SYNGR4: variants seen among roughly 807,000 people sequenced by gnomAD.
The protein encoded by SYNGR4 is synaptogyrin 4, also known as synaptogyrin-4.
A neutral mutation model predicts 15.5 loss-of-function variants in SYNGR4; 15 were observed. The observed-to-expected ratio is 0.97, with a 90% CI of 0.65 to 1.49. The LOEUF is 1.49. Among genes scored for constraint, SYNGR4 ranks in the 40% most tolerant of loss-of-function variants. SYNGR4 has a pLI of 0.00. For synonymous variants in SYNGR4, 121 were observed against 127.4 expected (o/e 0.95, Z 0.34); for missense variants, 292 against 299.3 (o/e 0.98, Z 0.18).
At chr19:48,369,789 A>G (rs1281840334) in intron 2 of SYNGR4, among the ~76,000 whole-genome samples, 5 of 152,144 alleles carry the variant, frequency 3.3e-5, no homozygotes, top group African/African-American at 9.7e-5. Flanking sequence ...AAAATGATCA[A>G]TGTGCTTTCT....
At chr19:48,366,653 A>C (rs1026241532) in intron 2 of SYNGR4, among the ~76,000 whole-genome samples, 2 of 151,758 alleles carry the variant, frequency 1.3e-5, no homozygotes, top group African/African-American at 4.8e-5. Context: ...TGTTCTGCCC[A>C]CCTCAGCCTC....
At chr19:48,367,334 G>C (rs1395181738) in intron 2 of SYNGR4, among the ~76,000 whole-genome samples, 1 of 151,904 alleles carries the variant, frequency 6.6e-6, no homozygotes, top group Non-Finnish European at 1.5e-5. Context: ...TCTGGAGGCT[G>C]AGGCAGGAGA....
intron 2 of SYNGR4, among the ~76,000 whole-genome samples, chr19:48,371,704 A>G (rs769196627): frequency 4.6e-5 from 7 of 151,580 alleles, no homozygotes; most frequent in Non-Finnish European, 8.8e-5. Context: ...CAGCCCCCCA[A>G]GTACTTGGGA....
At chr19:48,375,839 C>G in intron 4 of SYNGR4, 87 bp downstream of exon 4, 1 of 1,554,126 alleles carries the variant, frequency 6.4e-7, no homozygotes, top group South Asian at 1.2e-5. Context: ...CCTGCTCTCA[C>G]TTAGCTCCCC....
chr19:48,371,578 A>ATTT (rs34660677), intron 2 of SYNGR4, among the ~76,000 whole-genome samples: 63 of 141,910 alleles, frequency 4.4e-4, no homozygotes, highest in African/African-American at 1.4e-3. Flanking sequence ...TGACCAGCTG[A>ATTT]TTTTTTTTTT....
chr19:48,368,231 T>G (rs1970249407), intron 2 of SYNGR4, among the ~76,000 whole-genome samples: 1 of 152,194 alleles, frequency 6.6e-6, no homozygotes, highest in Admixed American at 6.5e-5. Context: ...GCTATGTGAT[T>G]TCTCTGAACA....
rs1393396169 is a variant in SYNGR4, at chr19:48,373,683, A to G, written c.260A>G (p.Asp87Gly). ...FLSCLAFLVL[D>G]TQETRIAGTR... Reference sequence around the variant, plus strand: ...AGCTGCCTGGCCTTCCTCGTCCTGGACACACAGGAGACCCGCATTGCCGGC... The same window carrying G: ...AGCTGCCTGGCCTTCCTCGTCCTGGGCACACAGGAGACCCGCATTGCCGGC... Residue 87 changes from aspartate (D) to glycine (G), a missense_variant, in exon 3 of 5, where the codon GAC becomes GGC. Physicochemically the swap from Asp to Gly is moderately conservative, Grantham distance 94 (BLOSUM62 -1). Coordinates refer to ENST00000344846, the MANE Select transcript of SYNGR4 (RefSeq NM_012451.4). 1.2e-6 allele frequency: 2 copies of G among 1,613,900 alleles called. No homozygotes were observed. The highest frequency in any genetic ancestry group is 1.7e-6 in the Non-Finnish European group (2 of 1,180,006).
intron 2 of SYNGR4, among the ~76,000 whole-genome samples, chr19:48,371,578 ATT>A (rs34660677): frequency 1.1e-4 from 16 of 141,844 alleles, no homozygotes; most frequent in Admixed American, 1.4e-4. Context: ...TGACCAGCTG[ATT>A]TTTTTTTTTT....
At chr19:48,375,260 G>A (rs916535484) in intron 3 of SYNGR4, among the ~76,000 whole-genome samples, 33 of 151,892 alleles carry the variant, frequency 2.2e-4, no homozygotes, top group Non-Finnish European at 3.5e-4. Context: ...ACCTGGCCTC[G>A]AGTGATCCAC....
chr19:48,365,913 C>G lies in SYNGR4; in HGVS notation c.71C>G (p.Thr24Ser). The change falls in exon 2 of 5, where the codon ACC (threonine) becomes AGC (serine). Residue 24 changes from threonine to serine, a missense_variant. Coordinates refer to ENST00000344846, the MANE Select transcript of SYNGR4 (RefSeq NM_012451.4). ...GTGCAGTTTCTGAGAAGGCCCAAGA[C>G]CATCACGCGGGTCTTCGAAGGGGTG... ...EAVQFLRRPK[T>S]ITRVFEGVFS... 6.2e-7 allele frequency: 1 copy of G among 1,613,818 alleles called. No individual in the cohort carries two copies.
chr19:48,364,660 T>G (rs966251313), intron 1 of SYNGR4, 123 bp downstream of exon 1: 3 of 152,060 alleles, frequency 2.0e-5, no homozygotes, highest in Non-Finnish European at 4.4e-5. Context: ...AGGCCCTTAT[T>G]CTGGGAAATG....
At chr19:48,375,884 C>T in intron 4 of SYNGR4, 132 bp downstream of exon 4, 1 of 1,519,786 alleles carries the variant, frequency 6.6e-7, no homozygotes, top group South Asian at 1.3e-5. Context: ...CCCAGGACTC[C>T]ACTGGTCCCT....
intron 3 of SYNGR4, among the ~76,000 whole-genome samples, chr19:48,374,932 C>T (rs572436071): frequency 4.0e-5 from 6 of 149,992 alleles, no homozygotes; most frequent in East Asian, 4.1e-4. Context: ...GCTGAGATTG[C>T]GCCATGGCAC....
At chr19:48,369,228 A>G (rs1203677556) in intron 2 of SYNGR4, among the ~76,000 whole-genome samples, 1 of 151,972 alleles carries the variant, frequency 6.6e-6, no homozygotes, top group Non-Finnish European at 1.5e-5. Flanking sequence ...TGGTGCCTTA[A>G]CTGATAAATC....
chr19:48,376,329 C>T lies in SYNGR4; in HGVS notation c.*11C>T. ...ATGCCTGACAACTAAATATCCTTAT[C>T]CAAATCAATAAAGAGAGAATCCTCC... On this transcript the variant is annotated 3_prime_UTR_variant, in exon 5 of 5. Transcript: ENST00000344846. The T allele has an allele frequency of 6.2e-7, 1 of 1,612,276 alleles. No homozygotes were observed. The highest frequency in any genetic ancestry group is 1.1e-5 in the South Asian group (1 of 90,858).
intron 2 of SYNGR4, among the ~76,000 whole-genome samples, chr19:48,368,518 T>C (rs978196506): frequency 6.6e-6 from 1 of 152,158 alleles, no homozygotes; most frequent in Non-Finnish European, 1.5e-5. Context: ...TAGCTGGGAT[T>C]ACCAGCGTGC....
chr19:48,365,687 T>A, intron 1 of SYNGR4, 49 bp from the exon 2 acceptor site: 1 of 125,292 alleles, frequency 8.0e-6, no homozygotes, highest in Non-Finnish European at 1.2e-5. Context: ...CCAACAGCCC[T>A]TCCACCCCGT....
intron 2 of SYNGR4, among the ~76,000 whole-genome samples, chr19:48,369,150 CT>C (rs1970267364): frequency 6.6e-6 from 1 of 152,026 alleles, no homozygotes; most frequent in African/African-American, 2.4e-5. Context: ...TCCTTCCCCC[CT>C]GGCCTGGCTC....
intron 2 of SYNGR4, among the ~76,000 whole-genome samples, chr19:48,370,601 C>T (rs111894124): frequency 0.034 from 5,114 of 152,056 alleles, 289 homozygotes; most frequent in African/African-American, 0.12. Context: ...ACTCTGTTGC[C>T]CAGGCTGGAG....
Sources: allele counts gnomAD v4.1 joint callset (sites outside exome capture counted in the v4.1 genomes callset), GRCh38; gene constraint gnomAD v4.1.1; transcripts MANE v1.5; gene names NCBI Gene and HGNC (gene_info 2026-07-23, HGNC 2026-07-21).